PLA2G6: variants seen among roughly 807,000 people sequenced by gnomAD.
PLA2G6 encodes 85/88 kDa calcium-independent phospholipase A2.
A neutral mutation model predicts 83.8 loss-of-function variants in PLA2G6; 62 were observed. That is an observed-to-expected ratio of 0.74 (90% confidence interval 0.60 to 0.91). The LOEUF is 0.91. PLA2G6 is among the 40% of genes least tolerant of loss of function. PLA2G6 has a pLI of 0.00. For synonymous variants in PLA2G6, 417 were observed against 449.8 expected (o/e 0.93, Z 0.92); for missense variants, 944 against 1,102.0 (o/e 0.86, Z 2.03).
At chr22:38,127,239 C>G (rs3788533) in intron 9 of PLA2G6, 635,500 of 1,217,292 alleles carry the variant, frequency 0.52, 168,259 homozygotes, top group South Asian at 0.6. Flanking sequence ...GCACACGGCT[C>G]CACAGTGAAC....
In PLA2G6 at chr22:38,132,064, G is replaced by C. The variant is rs1213607120; in HGVS notation, c.1077+767C>G. ...TGGGAGGCGGAGGTTGTGGTGAGCC[G>C]AGATCGCGCCACTGCACTCCAGCCT... On this transcript the variant is annotated intron_variant, in intron 7 of 16. Coordinates refer to ENST00000332509, the MANE Select transcript of PLA2G6 (RefSeq NM_003560.4). This position sits in a 1 kb window ranked among gnomAD's most constrained non-coding sequence, Gnocchi z 5.0. The C allele has an allele frequency of 2.2e-6, 1 of 445,808 alleles. No homozygotes were observed. Among genetic ancestry groups the C allele is most frequent in the Non-Finnish European group, 4.5e-6 (1 of 222,790 alleles). 27.6% of individuals were successfully genotyped at this position (445,808 alleles called of 1,614,324 possible).
chr22:38,112,537 G>T lies in PLA2G6; in HGVS notation c.2243C>A (p.Ala748Asp). 6.4e-7 allele frequency: 1 copy of T among 1,554,386 alleles called. No individual in the cohort carries two copies. The highest frequency in any genetic ancestry group is 8.7e-7 in the Non-Finnish European group (1 of 1,150,142). Reference protein sequence around the residue: ...PDGRAVDRARAWCEMVGIQYF... With the variant: ...PDGRAVDRARDWCEMVGIQYF... ...CTGGATGCCGACCATCTCGCACCAG[G>T]CCCGTGCCCGGTCCACAGCCCGCCC... Residue 748 changes from alanine (A) to aspartate (D), a missense_variant, in exon 16 of 17, where the codon GCC (alanine) becomes GAC (aspartate). By Grantham distance (126) the Ala-to-Asp change is moderately radical (BLOSUM62 -2). Coordinates refer to ENST00000332509, the MANE Select transcript of PLA2G6 (RefSeq NM_003560.4).
rs143651618 is a variant in PLA2G6, at chr22:38,161,252, A to AG, written c.209+7965dup. On this transcript the variant is annotated intron_variant, in intron 2 of 16. Transcript: ENST00000332509. ...TTTATTTCTCACAGTTCTAGAGGCT[A>AG]GGAAGTCTATGATCAAGGTGCTGGC... Among the ~76,000 whole-genome samples, 53 of 152,290 alleles carry AG rather than the reference A, an allele frequency of 3.5e-4. 4 individuals carry two copies. The East Asian group carries it at 0.01, about 29-fold the overall frequency.
intron 1 of PLA2G6, among the ~76,000 whole-genome samples, chr22:38,174,920 C>T (rs4383): frequency 4.0e-5 from 6 of 151,862 alleles, no homozygotes; most frequent in African/African-American, 1.5e-4. Flanking sequence ...AGCCAAGCCC[C>T]GGAAGAAGTG....
At chr22:38,116,468 A>C in intron 12 of PLA2G6, 1 of 651,598 alleles carries the variant, frequency 1.5e-6, no homozygotes, top group Non-Finnish European at 2.9e-6. Context: ...CAATGGAAAA[A>C]CCTGTTGCAA....
Position 38,123,198 on chromosome 22 carries a change from G to A in PLA2G6, c.1488C>T (p.Leu496=), listed in dbSNP as rs1423053034. ...GGVKGLIIIQ[L]LIAIEKASGV... ...CCGAGGCCTTCTCGATGGCGATGAG[G>A]AGCTGGATGATGATGAGGCCTTTCA... The change falls in exon 11 of 17, where the codon CTC becomes CTT. Residue 496 remains leucine, a synonymous_variant. Transcript: ENST00000332509. This position sits in a 1 kb window ranked among gnomAD's most constrained non-coding sequence, Gnocchi z 4.1. 3.2e-6 allele frequency: 5 copies of A among 1,553,966 alleles called. No individual in the cohort carries two copies. The highest frequency in any genetic ancestry group is 1.9e-5 in the Admixed American group (1 of 51,310).
At chr22:38,159,035 C>T (rs2089905172) in intron 2 of PLA2G6, among the ~76,000 whole-genome samples, 1 of 125,162 alleles carries the variant, frequency 8.0e-6, no homozygotes, top group Non-Finnish European at 1.7e-5. Context: ...CCCACCTCTA[C>T]TAAAAATAAA....
chr22:38,118,046 A>G (rs868554211), intron 12 of PLA2G6, among the ~76,000 whole-genome samples: 8 of 152,178 alleles, frequency 5.3e-5, no homozygotes, highest in African/African-American at 1.9e-4. Context: ...AAAAAAAAAA[A>G]AAAAGAAAGA....
At position 38,111,943 on chromosome 22, in the gene PLA2G6, T is replaced by C. The variant is rs1192618979; in HGVS notation, c.*218A>G. On this transcript the variant is annotated 3_prime_UTR_variant, in exon 17 of 17. Coordinates refer to ENST00000332509, the MANE Select transcript of PLA2G6 (RefSeq NM_003560.4). ...AGGGGCCAAAGGGGGCTCTAGACTT[T>C]CCCAGCCTGGAATGACAGAAAGTGC... 6.6e-6 allele frequency: 4 copies of C among 609,858 alleles called. No individual in the cohort carries two copies. Among genetic ancestry groups the C allele is most frequent in the African/African-American group, 3.7e-5 (2 of 54,264 alleles). The allele number at this position is 609,858 out of a possible 1,614,324, so 37.8% of individuals were successfully genotyped here.
chr22:38,130,097 G>C (rs746102165), intron 7 of PLA2G6: 1 of 243,490 alleles, frequency 4.1e-6, no homozygotes, highest in African/African-American at 2.2e-5. Context: ...CAGGGGCGCA[G>C]AGCATGGCAT....
At chr22:38,121,448 C>A (rs1430559717) in intron 11 of PLA2G6, among the ~76,000 whole-genome samples, 3 of 152,174 alleles carry the variant, frequency 2.0e-5, no homozygotes, top group Non-Finnish European at 4.4e-5. Context: ...AAGAGCCCCT[C>A]AAGAGTAAAA....
chr22:38,115,993 GGCAAGT>G, intron 13 of PLA2G6, 76 bp downstream of exon 13: 1 of 1,547,672 alleles, frequency 6.5e-7, no homozygotes, highest in Non-Finnish European at 8.9e-7. Flanking sequence ...GGTGCCTGAT[GGCAAGT>G]GCACGACTCC....
chr22:38,128,145 C>A lies in PLA2G6; in HGVS notation c.1348+124G>T. 9.5e-7 allele frequency: 1 copy of A among 1,057,528 alleles called. No individual in the cohort carries two copies. Among genetic ancestry groups the A allele is most frequent in the South Asian group, 1.4e-5 (1 of 72,972 alleles). The allele number at this position is 1,057,528 out of a possible 1,614,324, so 65.5% of individuals were successfully genotyped here. On this transcript the variant is annotated intron_variant, in intron 9 of 16. Coordinates refer to ENST00000332509, the MANE Select transcript of PLA2G6 (RefSeq NM_003560.4). The surrounding 1 kb of genome is among the most constrained non-coding windows in gnomAD (Gnocchi z 4.4). The stretch of plus-strand genomic sequence containing the variant: ...CTGCCTAGAGGCTGACAACTCCGGC[C>A]CCATCCTCCCCGGCTTCCTTTAGTG...
intron 12 of PLA2G6, among the ~76,000 whole-genome samples, chr22:38,117,458 G>A (rs948523969): frequency 6.6e-6 from 1 of 152,002 alleles, no homozygotes; most frequent in African/African-American, 2.4e-5. Context: ...GCCTCCCAAA[G>A]TGCTGGGATT....
rs1221118296 is a variant in PLA2G6 at position 38,176,621 on chromosome 22, CT to C, written c.-46+5042del. 2.6e-5 allele frequency among the ~76,000 whole-genome samples: 4 copies of C among 152,190 alleles called. No homozygotes were observed. The East Asian group carries it at 7.7e-4, about 29-fold the overall frequency. On this transcript the variant is annotated intron_variant, in intron 1 of 16. Coordinates refer to ENST00000332509, the MANE Select transcript of PLA2G6 (RefSeq NM_003560.4). ...CCCAACTTCCTTCCTGTAGCTCCGT[CT>C]GTGCCACACAGCACGGGAGCATGCC...
At chr22:38,121,290 A>G (rs977602550) in intron 11 of PLA2G6, among the ~76,000 whole-genome samples, 1 of 152,150 alleles carries the variant, frequency 6.6e-6, no homozygotes, top group Non-Finnish European at 1.5e-5. Flanking sequence ...AGGCAGGAGA[A>G]TCGCTTGAAC....
chr22:38,117,759 C>T (rs1490190640), intron 12 of PLA2G6, among the ~76,000 whole-genome samples: 3 of 151,910 alleles, frequency 2.0e-5, no homozygotes, highest in Admixed American at 6.6e-5. Flanking sequence ...CAGTCATGGC[C>T]GGGCACGGTG....
In PLA2G6 at chr22:38,166,046, CAAT is replaced by C. The variant is rs796491685; in HGVS notation, c.209+3169_209+3171del. Among the ~76,000 whole-genome samples the C allele has an allele frequency of 1.1e-3, 165 of 152,202 alleles. 1 individual carries two copies. The highest frequency in any genetic ancestry group is 3.6e-3 in the African/African-American group (150 of 41,532). ...GCCGGAGCAGCAGGAGACACGTGCA[CAAT>C]GACTGTGGTCTGGAGAAGCGAGCCA... is the stretch of plus-strand genomic sequence containing the variant. On this transcript the variant is annotated intron_variant, in intron 2 of 16. Coordinates refer to ENST00000332509, the MANE Select transcript of PLA2G6 (RefSeq NM_003560.4).
chr22:38,143,653 G>C (rs775240619), intron 3 of PLA2G6: 2 of 387,348 alleles, frequency 5.2e-6, no homozygotes, highest in African/African-American at 2.1e-5. Context: ...AAGCTGCTGT[G>C]CCTGCCCCAG....
Sources: gnomAD v4.1 joint callset for allele counts (sites outside exome capture counted in the v4.1 genomes callset) on GRCh38, gnomAD v4.1.1 for gene constraint, Gnocchi (gnomAD v3.1) non-coding constraint, MANE v1.5 for transcripts, NCBI Gene and HGNC (gene_info 2026-07-23, HGNC 2026-07-21) for gene names.